CACNA1E: variants seen among roughly 807,000 people sequenced by gnomAD.
CACNA1E encodes the protein voltage-dependent R-type calcium channel subunit alpha-1E.
A neutral mutation model predicts 259.2 loss-of-function variants in CACNA1E; 40 were observed. The observed-to-expected ratio is 0.15, with a 90% confidence interval of 0.12 to 0.20. The LOEUF is 0.20. CACNA1E is among the 10% of genes least tolerant of loss of function. CACNA1E has a pLI of 1.00. For missense variants in CACNA1E, 1,874 were observed against 3,040.1 expected (o/e 0.62, Z 9.02); for synonymous variants, 1,104 against 1,138.5 (o/e 0.97, Z 0.61).
intron 3 of CACNA1E, among the ~76,000 whole-genome samples, chr1:181,522,374 T>G (rs1667055838): frequency 6.6e-6 from 1 of 152,242 alleles, no homozygotes; most frequent in African/African-American, 2.4e-5. Context: ...TGGGTAAGAA[T>G]TGATGAGTGT....
At chr1:181,648,609 G>A (rs1259927509) in intron 6 of CACNA1E, among the ~76,000 whole-genome samples, 1 of 152,186 alleles carries the variant, frequency 6.6e-6, no homozygotes, top group African/African-American at 2.4e-5. Context: ...TTTGGTTACA[G>A]AAGCCCCTTT....
intron 1 of CACNA1E, among the ~76,000 whole-genome samples, chr1:181,345,801 C>A (rs1460347426): frequency 6.6e-6 from 1 of 152,198 alleles, no homozygotes; most frequent in Non-Finnish European, 1.5e-5. Flanking sequence ...CCTAGCTCTA[C>A]CTTCTGGCCA....
chr1:181,796,681 C>A lies in CACNA1E; in HGVS notation c.6222C>A (p.Asp2074Glu), dbSNP rs1271066551. Residue 2074 changes from aspartate (D) to glutamate (E), a missense_variant, in exon 47 of 48, where the codon GAC (aspartate) becomes GAA (glutamate). This residue lies in a region of CACNA1E where 542 missense variants were observed against 587.2 expected (regional missense o/e 0.92). Coordinates refer to ENST00000367573, the MANE Select transcript of CACNA1E (RefSeq NM_001205293.3). ...CACCTCTCACAGGCCACAAGTCTGACACTCACCGCTCAGGGGGCAGGGAGC... is the reference window on the plus strand; with the variant it reads ...CACCTCTCACAGGCCACAAGTCTGAAACTCACCGCTCAGGGGGCAGGGAGC... ...RLNSDSGHKS[D>E]THRSGGRERG... The A allele has an allele frequency of 1.3e-6, 2 of 1,598,144 alleles. No individual in the cohort carries two copies.
At chr1:181,695,819 G>T (rs971002760) in intron 7 of CACNA1E, among the ~76,000 whole-genome samples, 6 of 152,118 alleles carry the variant, frequency 3.9e-5, no homozygotes, top group African/African-American at 1.4e-4. Flanking sequence ...CCCAGGTGTG[G>T]TGGTGTCTGC....
chr1:181,382,119 G>A (rs1655498472), intron 1 of CACNA1E, among the ~76,000 whole-genome samples: 2 of 152,160 alleles, frequency 1.3e-5, no homozygotes, highest in Non-Finnish European at 2.9e-5. Context: ...GCAATTAGAG[G>A]TCATCCAAAA....
rs1662519329 is a variant in CACNA1E at position 181,804,883 on chromosome 1, T to G, written c.*6049T>G. ...CAAGATTTGCTTTAATTTCACTCTA[T>G]TCTTCCCATTTTCCCTTATTCTTCT... On this transcript the variant is annotated 3_prime_UTR_variant, in exon 48 of 48. Coordinates refer to ENST00000367573, the MANE Select transcript of CACNA1E (RefSeq NM_001205293.3). 1 of 151,016 alleles carries G rather than the reference T, an allele frequency of 6.6e-6. No homozygotes were observed. Among genetic ancestry groups the G allele is most frequent in the Non-Finnish European group, 1.5e-5 (1 of 67,760 alleles). The allele number at this position is 151,016 out of a possible 1,614,324, so 9.4% of individuals were successfully genotyped here. A position where few individuals can be genotyped will look rare whatever the true frequency, so the allele number is the denominator to read the frequency against.
At chr1:181,423,940 ATTCCCCACCAT>A (rs1658959790) in intron 2 of CACNA1E, among the ~76,000 whole-genome samples, 1 of 152,214 alleles carries the variant, frequency 6.6e-6, no homozygotes, top group South Asian at 2.1e-4. Context: ...AGGTCACTGT[ATTCCCCACCAT>A]TCCCTACTGC....
At chr1:181,702,778 C>T (rs1215561679) in intron 7 of CACNA1E, among the ~76,000 whole-genome samples, 2 of 152,228 alleles carry the variant, frequency 1.3e-5, no homozygotes, top group Non-Finnish European at 2.9e-5. Context: ...CTCAAGCCAC[C>T]TCAGTGAGGC....
chr1:181,403,699 G>A (rs894727339), intron 1 of CACNA1E, among the ~76,000 whole-genome samples: 1 of 152,154 alleles, frequency 6.6e-6, no homozygotes, highest in Non-Finnish European at 1.5e-5. Flanking sequence ...GTGAATATGG[G>A]AACTCCCTCA....
rs1283065297 is a variant in CACNA1E at position 181,798,910 on chromosome 1, C to A, written c.*76C>A. ...AGACAGAATTGGGAAGCCAGTGCGGCCCGGGGGGGAGGAAGAGGGAAAAGG... is the reference window on the plus strand; with the variant it reads ...AGACAGAATTGGGAAGCCAGTGCGGACCGGGGGGGAGGAAGAGGGAAAAGG... On this transcript the variant is annotated 3_prime_UTR_variant, in exon 48 of 48. Transcript: ENST00000367573. This position sits in a 1 kb window ranked among gnomAD's most constrained non-coding sequence, Gnocchi z 4.2. The A allele has an allele frequency of 4.5e-6, 6 of 1,334,984 alleles. No homozygotes were observed. Among genetic ancestry groups the A allele is most frequent in the Non-Finnish European group, 5.9e-6 (6 of 1,011,988 alleles). The allele number at this position is 1,334,984 out of a possible 1,614,324, so 82.7% of individuals were successfully genotyped here.
At chr1:181,341,733 A>C (rs1476500343) in intron 1 of CACNA1E, among the ~76,000 whole-genome samples, 1 of 152,116 alleles carries the variant, frequency 6.6e-6, no homozygotes, top group African/African-American at 2.4e-5. Context: ...GTTCTCAAAA[A>C]TGTTCACTGC....
At chr1:181,745,313 G>A (rs773846678) in intron 25 of CACNA1E, 2 of 476,644 alleles carry the variant, frequency 4.2e-6, no homozygotes, top group South Asian at 3.2e-5. Context: ...GGAGGCAATG[G>A]GTGTGAACAC....
intron 2 of CACNA1E, among the ~76,000 whole-genome samples, chr1:181,456,080 A>G (rs1436320084): frequency 6.6e-6 from 1 of 152,158 alleles, no homozygotes; most frequent in Non-Finnish European, 1.5e-5. Context: ...GAGAACTGGT[A>G]AGAAATTGGA....
intron 19 of CACNA1E, among the ~76,000 whole-genome samples, chr1:181,731,646 C>G (rs114614497): frequency 6.6e-6 from 1 of 152,074 alleles, no homozygotes; most frequent in Non-Finnish European, 1.5e-5. Flanking sequence ...ACTTCCCCTC[C>G]GCCCAGCGAG....
chr1:181,456,405 A>C (rs1016292237), intron 2 of CACNA1E, among the ~76,000 whole-genome samples: 2 of 152,126 alleles, frequency 1.3e-5, no homozygotes, highest in African/African-American at 4.8e-5. Flanking sequence ...CCTGAGGGTA[A>C]GGAGAGGCTG....
rs555540452 is a variant in CACNA1E, at chr1:181,651,355, A to G, written c.969A>G (p.Gly323=). Residue 323 remains glycine (G), a synonymous_variant, in exon 7 of 48, where the codon GGA becomes GGG. Transcript: ENST00000367573. ...TVLYNTNDAL[G]ATWNWLYFIP... is the part of the protein sequence containing the mutation. ...TCTTTCAGACCAATGATGCCTTAGG[A>G]GCCACCTGGAATTGGCTGTACTTCA... is the stretch of plus-strand genomic sequence containing the variant. The G allele has an allele frequency of 3.9e-5, 63 of 1,613,278 alleles. No homozygotes were observed. In the East Asian group the frequency reaches 1.2e-3, roughly 30 times the overall value.
chr1:181,766,176 G>T (rs1048380269), intron 34 of CACNA1E, among the ~76,000 whole-genome samples: 4 of 152,102 alleles, frequency 2.6e-5, no homozygotes, highest in African/African-American at 9.7e-5. Flanking sequence ...AAAGCTAGGT[G>T]CTTCATATTT....
intron 7 of CACNA1E, among the ~76,000 whole-genome samples, chr1:181,656,030 G>T (rs1314314819): frequency 2.0e-5 from 3 of 152,012 alleles, no homozygotes; most frequent in Admixed American, 1.3e-4. Context: ...GGTGACGCTG[G>T]TGTAAAAAAA....
chr1:181,407,599 T>A (rs1390973895), intron 1 of CACNA1E, among the ~76,000 whole-genome samples: 1 of 152,188 alleles, frequency 6.6e-6, no homozygotes, highest in East Asian at 1.9e-4. Flanking sequence ...ACATTAGAGA[T>A]TGAGAAGTGC....
Sources: gnomAD v4.1 joint callset for allele counts (sites outside exome capture counted in the v4.1 genomes callset) on GRCh38, gnomAD v4.1.1 for gene constraint, gnomAD v4.1.1 regional missense constraint, Gnocchi (gnomAD v3.1) non-coding constraint, MANE v1.5 for transcripts, NCBI Gene and HGNC (gene_info 2026-07-23, HGNC 2026-07-21) for gene names.